Variants in CTNND2 observed in about 807,000 individuals in gnomAD.
CTNND2 encodes the protein catenin delta-2.
Under a neutral mutation model 144.4 loss-of-function variants are expected in CTNND2, and 22 were observed. That is an observed-to-expected ratio of 0.15 (90% CI 0.11 to 0.22). CTNND2 has a LOEUF of 0.22. CTNND2 is among the 10% of genes least tolerant of loss of function. CTNND2 has a pLI of 1.00. For missense variants in CTNND2, 1,353 were observed against 1,618.8 expected (o/e 0.84, Z 2.82); for synonymous variants, 751 against 695.6 (o/e 1.08, Z -1.25).
chr5:11,455,600 G>A (rs1765666684), intron 3 of CTNND2, among the ~76,000 whole-genome samples: 1 of 152,180 alleles, frequency 6.6e-6, no homozygotes, highest in South Asian at 2.1e-4. Flanking sequence ...AGCTTAGAAA[G>A]CTCTCTGGGA....
chr5:11,256,643 A>C (rs752300002), intron 9 of CTNND2, among the ~76,000 whole-genome samples: 27 of 152,248 alleles, frequency 1.8e-4, no homozygotes, highest in Non-Finnish European at 3.8e-4. Context: ...CTAACTTATC[A>C]GTGGCTTGCT....
chr5:11,421,690 G>C (rs1436082017), intron 3 of CTNND2, among the ~76,000 whole-genome samples: 2 of 152,144 alleles, frequency 1.3e-5, no homozygotes, highest in Non-Finnish European at 2.9e-5. Flanking sequence ...ACCAGTCCTA[G>C]AGAAAATGGT....
At chr5:11,238,738 T>TACACACTATATATATACAC (rs1741908178) in intron 9 of CTNND2, among the ~76,000 whole-genome samples, 1 of 152,030 alleles carries the variant, frequency 6.6e-6, no homozygotes, top group Non-Finnish European at 1.5e-5. Flanking sequence ...CAGATATACA[T>TACACACTATATATATACAC]ACACACTATA....
intron 14 of CTNND2, among the ~76,000 whole-genome samples, chr5:11,109,304 A>AG (rs1752717130): frequency 6.6e-6 from 1 of 152,212 alleles, no homozygotes; most frequent in East Asian, 1.9e-4. Flanking sequence ...GTATGGTTCA[A>AG]TAGCAACCAT....
Position 10,987,365 on chromosome 5 carries a change from A to G in CTNND2, c.3343+746T>C, listed in dbSNP as rs61751755. Among the ~76,000 whole-genome samples the G allele has an allele frequency of 2.9e-3, 444 of 152,276 alleles. 1 individual carries two copies. The highest frequency in any genetic ancestry group is 0.01 in the African/African-American group (428 of 41,546). On this transcript the variant is annotated intron_variant, in intron 20 of 21. Transcript: ENST00000304623. Reference sequence around the variant, plus strand: ...TTATCAGATGGGCTGGGCATGGCACAGTGGAGGGGGCAGAGACAGATACCC... The same window carrying G: ...TTATCAGATGGGCTGGGCATGGCACGGTGGAGGGGGCAGAGACAGATACCC...
At chr5:11,781,187 TGA>T (rs368297537) in intron 1 of CTNND2, among the ~76,000 whole-genome samples, 4 of 151,800 alleles carry the variant, frequency 2.6e-5, no homozygotes, top group Non-Finnish European at 5.9e-5. Context: ...AGCAAGCAAA[TGA>T]GAGAGAGAAC....
At chr5:11,341,441 G>A (rs73042231) in intron 9 of CTNND2, among the ~76,000 whole-genome samples, 4,713 of 152,184 alleles carry the variant, frequency 0.031, 269 homozygotes, top group East Asian at 0.16. Context: ...AACGACCTCC[G>A]GCACTCTTCA....
intron 2 of CTNND2, among the ~76,000 whole-genome samples, chr5:11,568,805 G>A (rs1296772127): frequency 1.3e-5 from 2 of 152,182 alleles, no homozygotes; most frequent in Admixed American, 6.5e-5. Context: ...GAGTTTCTTG[G>A]AAAATTTGAG....
At chr5:11,213,734 A>C (rs983559659) in intron 10 of CTNND2, among the ~76,000 whole-genome samples, 1 of 152,190 alleles carries the variant, frequency 6.6e-6, no homozygotes, top group Admixed American at 6.5e-5. Flanking sequence ...AGGCCACTGC[A>C]GAAATTCTGA....
intron 3 of CTNND2, among the ~76,000 whole-genome samples, chr5:11,426,116 G>A (rs1458822430): frequency 6.6e-6 from 1 of 151,968 alleles, no homozygotes; most frequent in African/African-American, 2.4e-5. Context: ...ACTTTTCCAT[G>A]TTGTATTTGA....
In CTNND2 at chr5:11,070,168, T is replaced by C. The variant is rs146034799; in HGVS notation, c.2788+12528A>G. ...ACAATAATATAGATGTTAGAATATG[T>C]AGATAAGGACTTTATCTGTGATATA... On this transcript the variant is annotated intron_variant, in intron 16 of 21. Transcript: ENST00000304623. 9.2e-5 allele frequency among the ~76,000 whole-genome samples: 14 copies of C among 152,330 alleles called. No homozygotes were observed. In the East Asian group the frequency reaches 2.3e-3, roughly 25 times the overall value.
chr5:11,050,554 A>C (rs1303702079), intron 16 of CTNND2, among the ~76,000 whole-genome samples: 1 of 152,252 alleles, frequency 6.6e-6, no homozygotes, highest in Non-Finnish European at 1.5e-5. Flanking sequence ...TATAACTCTC[A>C]CATATGTCCC....
intron 3 of CTNND2, among the ~76,000 whole-genome samples, chr5:11,433,138 T>A (rs1198857879): frequency 6.6e-6 from 1 of 152,032 alleles, no homozygotes. Flanking sequence ...CCCAGCTACT[T>A]GGGAGGCTGA....
At chr5:11,248,835 C>T (rs138818714) in intron 9 of CTNND2, among the ~76,000 whole-genome samples, 206 of 152,264 alleles carry the variant, frequency 1.4e-3, no homozygotes, top group African/African-American at 4.5e-3. Context: ...GACGGTTTAC[C>T]GGAGTCTAGT....
At position 11,632,016 on chromosome 5, in the gene CTNND2, C is replaced by G. The variant is rs1236956655; in HGVS notation, c.175-66960G>C. 4.6e-5 allele frequency among the ~76,000 whole-genome samples: 7 copies of G among 152,088 alleles called. No individual in the cohort carries two copies. In the East Asian group the frequency reaches 1.3e-3, roughly 29 times the overall value. ...ATGGCTATATTTAAAATAGAGCGTA[C>G]AGAACTGAAGACCAAGTGTTTGTTT... is the stretch of plus-strand genomic sequence containing the variant. On this transcript the variant is annotated intron_variant, in intron 2 of 21. Coordinates refer to ENST00000304623, the MANE Select transcript of CTNND2 (RefSeq NM_001332.4).
chr5:11,853,791 C>CT lies in CTNND2; in HGVS notation c.37+50025_37+50026insA, dbSNP rs768342541. The stretch of plus-strand genomic sequence containing the variant: ...GTACACCTAATCCACCAGGTAACTC[C>CT]GTTGATTCTACCTTCTGGATAGGTA... On this transcript the variant is annotated intron_variant, in intron 1 of 21. Coordinates refer to ENST00000304623, the MANE Select transcript of CTNND2 (RefSeq NM_001332.4). 1.8e-3 allele frequency among the ~76,000 whole-genome samples: 276 copies of CT among 152,302 alleles called. 1 individual carries two copies. Among genetic ancestry groups the CT allele is most frequent in the Non-Finnish European group, 3.6e-3 (242 of 68,026 alleles).
intron 3 of CTNND2, among the ~76,000 whole-genome samples, chr5:11,518,115 G>C (rs1051867303): frequency 1.3e-5 from 2 of 152,150 alleles, no homozygotes; most frequent in Non-Finnish European, 2.9e-5. Context: ...ACAATGGGCC[G>C]CATATAAGAT....
intron 1 of CTNND2, among the ~76,000 whole-genome samples, chr5:11,863,368 G>A (rs996421567): frequency 1.3e-5 from 2 of 152,096 alleles, no homozygotes; most frequent in Non-Finnish European, 2.9e-5. Context: ...ATCAAATTAT[G>A]GGGCCAGATA....
intron 10 of CTNND2, among the ~76,000 whole-genome samples, chr5:11,217,107 A>G (rs1739280092): frequency 6.6e-6 from 1 of 152,194 alleles, no homozygotes; most frequent in South Asian, 2.1e-4. Context: ...CTCACTGGCC[A>G]TTGTCCACAA....
Sources: allele counts gnomAD v4.1 joint callset (sites outside exome capture counted in the v4.1 genomes callset), GRCh38; gene constraint gnomAD v4.1.1; transcripts MANE v1.5; gene names NCBI Gene and HGNC (gene_info 2026-07-23, HGNC 2026-07-21).